Variants in LYPLAL1 observed in about 807,000 individuals in gnomAD.
The protein encoded by LYPLAL1 is lysophospholipase like 1.
Under a neutral mutation model 19.7 loss-of-function variants are expected in LYPLAL1, and 23 were observed. The ratio of observed to expected loss-of-function variants is 1.17; its 90% CI spans 0.84 to 1.65. The LOEUF (loss-of-function observed/expected upper bound fraction) is 1.65. LYPLAL1 is among the 40% of genes most tolerant of loss of function. LYPLAL1 has a pLI of 0.00. For synonymous variants in LYPLAL1, 119 were observed against 96.3 expected (o/e 1.24, Z -1.38); for missense variants, 355 against 279.4 (o/e 1.27, Z -1.93).
chr1:219,380,796 T>A, the LYPLAL1 span, among the ~76,000 whole-genome samples: 1 of 152,356 alleles, frequency 6.6e-6, no homozygotes, highest in South Asian at 2.1e-4. Flanking sequence ...AATATCTTAC[T>A]CTTTGTGAGC....
the LYPLAL1 span, among the ~76,000 whole-genome samples, chr1:219,305,565 T>C: frequency 2.0e-5 from 3 of 152,150 alleles, no homozygotes; most frequent in Admixed American, 6.5e-5. Flanking sequence ...TGTAAAACAC[T>C]GAAATAACAG....
the LYPLAL1 span, among the ~76,000 whole-genome samples, chr1:219,424,372 A>G: frequency 6.6e-6 from 1 of 152,226 alleles, no homozygotes; most frequent in Non-Finnish European, 1.5e-5. Context: ...TGGTCAAGAA[A>G]GTAGTCATTC....
chr1:219,251,777 A>G, the LYPLAL1 span, among the ~76,000 whole-genome samples: 5 of 152,144 alleles, frequency 3.3e-5, no homozygotes, highest in African/African-American at 4.8e-5. Flanking sequence ...TTTTGGTTCC[A>G]TATGAATATT....
At chr1:219,440,710 G>T in the LYPLAL1 span, among the ~76,000 whole-genome samples, 13 of 152,206 alleles carry the variant, frequency 8.5e-5, no homozygotes, top group African/African-American at 3.1e-4. Flanking sequence ...CATTTATTCT[G>T]ACTTTTCTAT....
At chr1:219,300,787 G>A in the LYPLAL1 span, among the ~76,000 whole-genome samples, 16 of 151,874 alleles carry the variant, frequency 1.1e-4, no homozygotes, top group South Asian at 1.0e-3. Context: ...CGCCTGTCTC[G>A]GCCTCCCTAA....
the LYPLAL1 span, among the ~76,000 whole-genome samples, chr1:219,435,654 G>A: frequency 1.0e-3 from 158 of 152,032 alleles, 2 homozygotes; most frequent in Non-Finnish European, 5.6e-4. Context: ...GTGAAACCCC[G>A]TCTGTACTAA....
At chr1:219,334,766 G>A in the LYPLAL1 span, among the ~76,000 whole-genome samples, 3 of 151,876 alleles carry the variant, frequency 2.0e-5, no homozygotes, top group Middle Eastern at 6.8e-3. Flanking sequence ...TATTATGCTA[G>A]CCATTTCTGT....
chr1:219,364,368 C>G, the LYPLAL1 span, among the ~76,000 whole-genome samples: 1 of 152,104 alleles, frequency 6.6e-6, no homozygotes, highest in Non-Finnish European at 1.5e-5. Context: ...TTCCATTTCT[C>G]TAATACACTC....
chr1:219,294,949 G>A, the LYPLAL1 span, among the ~76,000 whole-genome samples: 1 of 152,112 alleles, frequency 6.6e-6, no homozygotes, highest in Admixed American at 6.6e-5. Flanking sequence ...TCAATCTCTA[G>A]TCTGAACCTT....
the LYPLAL1 span, among the ~76,000 whole-genome samples, chr1:219,335,613 T>C: frequency 5.3e-5 from 8 of 150,770 alleles, no homozygotes; most frequent in African/African-American, 1.9e-4. Flanking sequence ...TTTAAAAAAC[T>C]GCACTAAAAA....
At chr1:219,206,717 TTCTC>T (rs950679696) in intron 3 of LYPLAL1, among the ~76,000 whole-genome samples, 1 of 151,574 alleles carries the variant, frequency 6.6e-6, no homozygotes, top group Non-Finnish European at 1.5e-5. Flanking sequence ...AATGTTTTCT[TTCTC>T]TCTTTTTTTT....
the LYPLAL1 span, among the ~76,000 whole-genome samples, chr1:219,241,132 C>CTATATA: frequency 5.7e-3 from 328 of 57,448 alleles, 2 homozygotes; most frequent in Admixed American, 0.015. Flanking sequence ...CTCTCTCTCT[C>CTATATA]TCTATATATA....
At chr1:219,281,824 C>G in the LYPLAL1 span, among the ~76,000 whole-genome samples, 1 of 152,284 alleles carries the variant, frequency 6.6e-6, no homozygotes, top group Admixed American at 6.5e-5. Context: ...TGAACGGCCA[C>G]TGAAAAATGT....
At chr1:219,225,341 T>G in the LYPLAL1 span, 1 of 152,210 alleles carries the variant, frequency 6.6e-6, no homozygotes, top group Non-Finnish European at 1.5e-5. Context: ...TGAGATTTAA[T>G]ATAAAGAGCC....
chr1:219,233,809 T>A, the LYPLAL1 span, among the ~76,000 whole-genome samples: 8 of 152,160 alleles, frequency 5.3e-5, no homozygotes, highest in East Asian at 1.4e-3. Flanking sequence ...TTATGTGCAT[T>A]TTAGCACTTT....
chr1:219,209,008 A>G (rs1400631331), intron 3 of LYPLAL1, among the ~76,000 whole-genome samples: 2 of 152,096 alleles, frequency 1.3e-5, no homozygotes, highest in African/African-American at 2.4e-5. Context: ...GGAGAATCTA[A>G]TGTACATTTG....
the LYPLAL1 span, among the ~76,000 whole-genome samples, chr1:219,360,260 G>T: frequency 6.6e-6 from 1 of 152,134 alleles, no homozygotes; most frequent in Admixed American, 6.5e-5. Context: ...CATGGAACTG[G>T]ATGCCTTGCA....
the LYPLAL1 span, among the ~76,000 whole-genome samples, chr1:219,229,294 TGAGA>T: frequency 0.046 from 6,130 of 132,834 alleles, 274 homozygotes; most frequent in East Asian, 0.19. Flanking sequence ...ACAAGCATTT[TGAGA>T]GAGAGAGAGA....
intron 3 of LYPLAL1, among the ~76,000 whole-genome samples, chr1:219,201,001 T>A (rs1658052075): frequency 6.6e-6 from 1 of 152,232 alleles, no homozygotes; most frequent in Non-Finnish European, 1.5e-5. Flanking sequence ...TGAACTTTTT[T>A]AAGATTCTTA....
Sources: allele counts gnomAD v4.1 joint callset (sites outside exome capture counted in the v4.1 genomes callset), GRCh38; gene constraint gnomAD v4.1.1; transcripts MANE v1.5; gene names NCBI Gene and HGNC (gene_info 2026-07-23, HGNC 2026-07-21).